Variants in DNAH12 observed in about 807,000 individuals in gnomAD.
DNAH12 encodes the protein axonemal beta dynein heavy chain 12.
In DNAH12, 285 loss-of-function variants were observed where a neutral mutation model predicts 371.5. That is an observed-to-expected ratio of 0.77 (90% CI 0.70 to 0.85). The LOEUF (loss-of-function observed/expected upper bound fraction) is 0.85, where lower values mean the gene tolerates loss of function less well. Ranked by LOEUF, DNAH12 falls within the 40% of genes least tolerant of loss-of-function variation. The probability of loss-of-function intolerance (pLI) is 0.00; values close to 1 mark genes in which losing one functional copy is unlikely to be tolerated. For missense variants in DNAH12, 3,611 were observed against 3,689.4 expected, an observed-to-expected ratio of 0.98 and a Z score of 0.55; for synonymous variants, 1,200 against 1,213.0, an observed-to-expected ratio of 0.99 and a Z score of 0.22.
At chr3:57,333,329 C>CATTT in intron 62 of DNAH12, among the ~76,000 whole-genome samples, 1 of 111,078 alleles carries the variant, frequency 9.0e-6, no homozygotes, top group African/African-American at 4.6e-5. Context: ...TTTAAGGCAA[C>CATTT]TTTTTTTTTT....
chr3:57,323,707 A>G, intron 62 of DNAH12, 88 bp from the exon 63 acceptor site: 1 of 1,341,424 alleles, frequency 7.5e-7, no homozygotes, highest in Admixed American at 3.4e-5. Flanking sequence ...AAAGAATACA[A>G]TTTGAGCCTA....
In DNAH12 at chr3:57,314,746, CA is replaced by C. The variant is rs1201292504; in HGVS notation, c.10525-116del. The stretch of plus-strand genomic sequence containing the variant: ...AAGATTCTGTGATCACGTATCTCTA[CA>C]AACTTCTATTTTAAAAAAATCCTAT... On this transcript the variant is annotated intron_variant, in intron 65 of 73. Transcript: ENST00000495027. 3.6e-6 allele frequency: 4 copies of C among 1,104,554 alleles called. No individual in the cohort carries two copies. The African/African-American group carries it at 6.4e-5, about 18-fold the overall frequency. 68.4% of individuals were successfully genotyped at this position (1,104,554 alleles called of 1,614,324 possible).
At chr3:57,350,927 G>A (rs2062656564) in intron 60 of DNAH12, among the ~76,000 whole-genome samples, 1 of 152,128 alleles carries the variant, frequency 6.6e-6, no homozygotes. Context: ...AAACCATGAT[G>A]CAATAATATG....
At chr3:57,424,196 A>T (rs1209866910) in intron 35 of DNAH12, among the ~76,000 whole-genome samples, 1 of 151,940 alleles carries the variant, frequency 6.6e-6, no homozygotes, top group Non-Finnish European at 1.5e-5. Context: ...TTGACCGAGC[A>T]TGGTGGCTCA....
chr3:57,367,977 C>T (rs1438731044), intron 56 of DNAH12, 69 bp downstream of exon 56: 1 of 152,246 alleles, frequency 6.6e-6, no homozygotes, highest in Non-Finnish European at 1.5e-5. Context: ...ATGTAGTAGG[C>T]TTCTTTCATG....
intron 25 of DNAH12, among the ~76,000 whole-genome samples, chr3:57,450,700 G>A (rs1261884561): frequency 6.6e-6 from 1 of 152,158 alleles, no homozygotes; most frequent in Non-Finnish European, 1.5e-5. Context: ...GGATAACTGT[G>A]TCCTTGTTCA....
chr3:57,422,706 T>A (rs2064630321), intron 35 of DNAH12, among the ~76,000 whole-genome samples: 1 of 152,204 alleles, frequency 6.6e-6, no homozygotes, highest in Non-Finnish European at 1.5e-5. Flanking sequence ...GAATTTCTCT[T>A]GTGGGAGTTT....
At chr3:57,551,807 A>C in the DNAH12 span, among the ~76,000 whole-genome samples, 103 of 152,290 alleles carry the variant, frequency 6.8e-4, no homozygotes, top group Non-Finnish European at 1.3e-3. Context: ...GACATCAAAA[A>C]AATGAAAAAA....
intron 43 of DNAH12, among the ~76,000 whole-genome samples, chr3:57,401,604 C>CATAAAATCA (rs2063869070): frequency 7.0e-6 from 1 of 142,780 alleles, no homozygotes; most frequent in Admixed American, 7.0e-5. Context: ...AGAAGAAAGA[C>CATAAAATCA]ATAAAATCAA....
intron 52 of DNAH12, among the ~76,000 whole-genome samples, chr3:57,377,515 G>T (rs887930656): frequency 3.3e-5 from 5 of 151,932 alleles, no homozygotes; most frequent in Non-Finnish European, 7.4e-5. Context: ...TAATGAGAAG[G>T]TGTCACTTAA....
intron 44 of DNAH12, among the ~76,000 whole-genome samples, chr3:57,393,587 C>T (rs1287326534): frequency 7.6e-6 from 1 of 131,140 alleles, no homozygotes; most frequent in Non-Finnish European, 1.5e-5. Context: ...GACCACATCA[C>T]TGCACTCCAG....
chr3:57,509,765 G>A (rs546217780), intron 5 of DNAH12, among the ~76,000 whole-genome samples: 2 of 150,716 alleles, frequency 1.3e-5, no homozygotes, highest in Non-Finnish European at 2.9e-5. Context: ...GGGAGGCTGA[G>A]GCAAGAGAAT....
At chr3:57,323,356 C>A in intron 63 of DNAH12, 96 bp from the exon 64 acceptor site, 1 of 1,473,582 alleles carries the variant, frequency 6.8e-7, no homozygotes, top group Non-Finnish European at 9.0e-7. Context: ...ATTCTAGTTA[C>A]GTTTCTCTGT....
chr3:57,522,719 C>T (rs1285342804), intron 4 of DNAH12, among the ~76,000 whole-genome samples: 2 of 152,304 alleles, frequency 1.3e-5, no homozygotes, highest in East Asian at 1.9e-4. Context: ...ATGATTTCCT[C>T]TTTCACGTCT....
chr3:57,318,243 C>T (rs943280114), intron 65 of DNAH12, among the ~76,000 whole-genome samples: 5 of 152,064 alleles, frequency 3.3e-5, no homozygotes, highest in African/African-American at 9.7e-5. Context: ...AGATCAATGT[C>T]GTGAAGCTTT....
At chr3:57,349,294 C>A (rs2062615869) in intron 60 of DNAH12, among the ~76,000 whole-genome samples, 1 of 152,098 alleles carries the variant, frequency 6.6e-6, no homozygotes, top group South Asian at 2.1e-4. Flanking sequence ...CTCACTCCCG[C>A]AGGAATGGCC....
At chr3:57,318,345 G>T (rs2061730973) in intron 65 of DNAH12, among the ~76,000 whole-genome samples, 1 of 152,096 alleles carries the variant, frequency 6.6e-6, no homozygotes, top group African/African-American at 2.4e-5. Context: ...TATAGTGTAA[G>T]ATAGGAGTTA....
intron 35 of DNAH12, among the ~76,000 whole-genome samples, chr3:57,422,440 C>T (rs1019672413): frequency 2.0e-5 from 3 of 151,910 alleles, no homozygotes; most frequent in South Asian, 2.1e-4. Context: ...GTGATCTGCC[C>T]GCCTCAGCCT....
At chr3:57,448,523 G>T (rs6763763) in intron 25 of DNAH12, among the ~76,000 whole-genome samples, 68,263 of 151,906 alleles carry the variant, frequency 0.45, 17,103 homozygotes, top group South Asian at 0.6. Context: ...CAGTGAGTGT[G>T]ACAGCTCAGT....
Sources: gnomAD v4.1 joint callset for allele counts (sites outside exome capture counted in the v4.1 genomes callset) on GRCh38, gnomAD v4.1.1 for gene constraint, MANE v1.5 for transcripts, NCBI Gene and HGNC (gene_info 2026-07-23, HGNC 2026-07-21) for gene names.